The following RPH3A variants were observed in gnomAD, a reference collection of about 807,000 sequenced individuals.
The protein encoded by RPH3A is rabphilin 3A.
In RPH3A, 48 loss-of-function variants were observed where a neutral mutation model predicts 102.2. The ratio of observed to expected loss-of-function variants is 0.47; its 90% CI spans 0.37 to 0.60. The LOEUF (loss-of-function observed/expected upper bound fraction) is 0.60, where lower values mean the gene tolerates loss of function less well. Ranked by LOEUF, RPH3A falls within the 20% of genes least tolerant of loss-of-function variation. RPH3A has a pLI of 0.00. For synonymous variants in RPH3A, 310 were observed against 324.3 expected (o/e 0.96, Z 0.47); for missense variants, 781 against 910.1 (o/e 0.86, Z 1.83).
At chr12:112,731,317 T>C (rs2040633134) in intron 1 of RPH3A, among the ~76,000 whole-genome samples, 1 of 152,170 alleles carries the variant, frequency 6.6e-6, no homozygotes, top group African/African-American at 2.4e-5. Flanking sequence ...TCTCTGTTTT[T>C]GTGAAGATTC....
At chr12:112,831,763 G>A in intron 3 of RPH3A, 1 of 455,778 alleles carries the variant, frequency 2.2e-6, no homozygotes, top group South Asian at 1.5e-5. Context: ...ATTCTAGGTG[G>A]ACTTTGAAGG....
At chr12:112,598,269 T>C (rs1186328822) in intron 1 of RPH3A, among the ~76,000 whole-genome samples, 3 of 152,220 alleles carry the variant, frequency 2.0e-5, no homozygotes, top group Non-Finnish European at 2.9e-5. Context: ...TCATTGACAC[T>C]TCTGACCTTC....
chr12:112,807,999 C>T (rs1036355528), intron 2 of RPH3A, among the ~76,000 whole-genome samples: 1 of 152,086 alleles, frequency 6.6e-6, no homozygotes, highest in South Asian at 2.1e-4. Flanking sequence ...ATCTCCAGTA[C>T]ACTATCCCCT....
At chr12:112,874,789 G>A in intron 10 of RPH3A, 2 of 370,726 alleles carry the variant, frequency 5.4e-6, no homozygotes, top group South Asian at 4.5e-5. Context: ...TACCAGGTGA[G>A]GAAACTGAGG....
upstream of RPH3A, among the ~76,000 whole-genome samples, chr12:112,790,760 A>G (rs2041090685): frequency 6.6e-6 from 1 of 152,356 alleles, no homozygotes; most frequent in Admixed American, 6.5e-5. Context: ...TCTTTGGCCA[A>G]GGCTCAATGG....
At chr12:112,789,805 C>T (rs1029095340), upstream of RPH3A, among the ~76,000 whole-genome samples, 5 of 151,220 alleles carry the variant, frequency 3.3e-5, no homozygotes, top group African/African-American at 9.8e-5. Context: ...CCACCACCAC[C>T]ACCACCACCA....
intron 19 of RPH3A, 73 bp downstream of exon 19, chr12:112,891,076 GT>G: frequency 6.4e-7 from 1 of 1,550,422 alleles, no homozygotes; most frequent in Non-Finnish European, 8.8e-7. Flanking sequence ...GAACCAGACA[GT>G]TTCACCAAGA....
chr12:112,765,937 T>A (rs1488140662), intron 1 of RPH3A, among the ~76,000 whole-genome samples: 1 of 152,216 alleles, frequency 6.6e-6, no homozygotes, highest in Non-Finnish European at 1.5e-5. Flanking sequence ...TGGGCTTCAT[T>A]GCAACTCAGA....
At chr12:112,799,268 G>T in intron 2 of RPH3A, among the ~76,000 whole-genome samples, 1 of 152,074 alleles carries the variant, frequency 6.6e-6, no homozygotes, top group Non-Finnish European at 1.5e-5. Context: ...CACACCTGTA[G>T]TCCCAGCTAC....
chr12:112,766,521 A>G (rs918272462), intron 1 of RPH3A, among the ~76,000 whole-genome samples: 1 of 152,126 alleles, frequency 6.6e-6, no homozygotes, highest in Non-Finnish European at 1.5e-5. Context: ...AGGGATCACA[A>G]GGGAAGGAAA....
chr12:112,738,900 T>C (rs2040687852), intron 1 of RPH3A, among the ~76,000 whole-genome samples: 1 of 152,166 alleles, frequency 6.6e-6, no homozygotes, highest in African/African-American at 2.4e-5. Flanking sequence ...TATTTGGTTT[T>C]CTCTCTTTTT....
intron 1 of RPH3A, among the ~76,000 whole-genome samples, chr12:112,670,527 C>T (rs1321383339): frequency 6.6e-6 from 1 of 151,968 alleles, no homozygotes; most frequent in African/African-American, 2.4e-5. Flanking sequence ...TGTAGCAGAC[C>T]ACCCAAAGTC....
In RPH3A at chr12:112,686,628, A is replaced by T. The variant is rs116293819; in HGVS notation, c.-139-105515A>T. ...CAGTCAACTTCCAGATATGCAAGTG[A>T]GGCCATCCAGGACCAGCCAGCCACC... On this transcript the variant is annotated intron_variant, in intron 1 of 21. Transcript: ENST00000543106. Among the ~76,000 whole-genome samples the T allele has an allele frequency of 6.8e-3, 1,042 of 152,274 alleles. 13 individuals carry two copies. Among genetic ancestry groups the T allele is most frequent in the African/African-American group, 0.023 (976 of 41,536 alleles).
At chr12:112,828,572 A>G (rs1391678788) in intron 3 of RPH3A, among the ~76,000 whole-genome samples, 183 bp downstream of exon 3, 1 of 152,230 alleles carries the variant, frequency 6.6e-6, no homozygotes, top group East Asian at 1.9e-4. Flanking sequence ...GAGGAACAAG[A>G]TTAAATCCTG....
At chr12:112,892,750 A>C (rs1352229966) in intron 19 of RPH3A, 2 of 152,220 alleles carry the variant, frequency 1.3e-5, no homozygotes, top group African/African-American at 4.8e-5. Flanking sequence ...ATGGTTATAA[A>C]TAACCACCAT....
chr12:112,671,558 G>A (rs1017066208), intron 1 of RPH3A, among the ~76,000 whole-genome samples: 3 of 152,090 alleles, frequency 2.0e-5, no homozygotes, highest in Admixed American at 6.6e-5. Context: ...CAGCTAGTTC[G>A]GGTGGCTTTG....
intron 1 of RPH3A, among the ~76,000 whole-genome samples, chr12:112,646,655 C>T (rs1323526919): frequency 2.6e-5 from 4 of 152,218 alleles, no homozygotes; most frequent in Admixed American, 2.6e-4. Context: ...AGTTTCCTGT[C>T]TACTAGCTGT....
intron 1 of RPH3A, among the ~76,000 whole-genome samples, chr12:112,583,872 A>G (rs773577262): frequency 6.6e-6 from 1 of 152,066 alleles, no homozygotes; most frequent in Non-Finnish European, 1.5e-5. Context: ...TGTAGTCCCA[A>G]CTACTCGTGA....
chr12:112,581,050 A>G (rs1466489061), intron 1 of RPH3A, among the ~76,000 whole-genome samples: 1 of 152,176 alleles, frequency 6.6e-6, no homozygotes, highest in Non-Finnish European at 1.5e-5. Flanking sequence ...TAGAAGGCAA[A>G]AATTGTTCCT....
Sources: allele counts gnomAD v4.1 joint callset (sites outside exome capture counted in the v4.1 genomes callset), GRCh38; gene constraint gnomAD v4.1.1; transcripts MANE v1.5; gene names NCBI Gene and HGNC (gene_info 2026-07-23, HGNC 2026-07-21).